Variants in RTL9 observed in about 807,000 individuals in gnomAD.
RTL9 encodes the protein retrotransposon Gag like 9, also known as retrotransposon Gag-like protein 9.
RTL9 carries 19 observed loss-of-function variants against 44.7 expected under a neutral mutation model. The observed-to-expected ratio is 0.42, with a 90% confidence interval of 0.30 to 0.62. The LOEUF is 0.62. Among genes scored for constraint, RTL9 ranks in the 20% least tolerant of loss-of-function variants. RTL9 has a pLI of 0.16. For synonymous variants in RTL9, 407 were observed against 398.9 expected, an observed-to-expected ratio of 1.02 and a Z score of -0.24; for missense variants, 1,105 against 1,080.6, an observed-to-expected ratio of 1.02 and a Z score of -0.32.
At chrX:110,416,071 C>A (rs1174656563), upstream of RTL9, among the ~76,000 whole-genome samples, 1 of 109,991 alleles carries the variant, frequency 9.1e-6, no homozygotes, top group Admixed American at 9.6e-5. Context: ...TGGGTGCTTA[C>A]TCACTCTGCC....
intron 1 of RTL9, among the ~76,000 whole-genome samples, chrX:110,368,184 C>T (rs1673579798): frequency 9.1e-6 from 1 of 109,830 alleles, no homozygotes; most frequent in Admixed American, 9.8e-5. Flanking sequence ...CTGCTATAAC[C>T]TTAATCCAAG....
intron 1 of RTL9, among the ~76,000 whole-genome samples, chrX:110,412,561 A>G (rs923149709): frequency 8.9e-6 from 1 of 112,231 alleles, no homozygotes; most frequent in Non-Finnish European, 1.9e-5. Context: ...TGGGAAAAGT[A>G]ACAATTCATG....
chrX:110,419,325 T>C (rs1474966892), intron 1 of RTL9, among the ~76,000 whole-genome samples: 1 of 112,534 alleles, frequency 8.9e-6, no homozygotes, highest in Non-Finnish European at 1.9e-5. Flanking sequence ...GCCCTTCCTC[T>C]TGCTTTTGGC....
chrX:110,442,214 G>A (rs1306846939), intron 1 of RTL9, among the ~76,000 whole-genome samples: 2 of 69,149 alleles, frequency 2.9e-5, no homozygotes. Context: ...AATTTGGATC[G>A]AAGTCTTTCT....
At chrX:110,446,348 A>G (rs2068907945), upstream of RTL9, among the ~76,000 whole-genome samples, 1 of 111,348 alleles carries the variant, frequency 9.0e-6, no homozygotes, top group Non-Finnish European at 1.9e-5. Context: ...AAAACAAACC[A>G]AAAATAAAAC....
At chrX:110,444,059 AT>A (rs1396641272) in intron 1 of RTL9, among the ~76,000 whole-genome samples, 1 of 112,308 alleles carries the variant, frequency 8.9e-6, no homozygotes, top group East Asian at 2.8e-4. Context: ...TTTAAGAACT[AT>A]CCCTGGGAAG....
chrX:110,392,116 T>C (rs2068498066), intron 1 of RTL9, among the ~76,000 whole-genome samples: 1 of 112,054 alleles, frequency 8.9e-6, no homozygotes, highest in Non-Finnish European at 1.9e-5. Flanking sequence ...TAAATTCATA[T>C]TGATTTGACA....
intron 1 of RTL9, among the ~76,000 whole-genome samples, chrX:110,413,220 C>T (rs1360932939): frequency 9.0e-6 from 1 of 111,356 alleles, no homozygotes; most frequent in African/African-American, 3.3e-5. Context: ...ATTCCCCCTA[C>T]ACCCTGGATA....
chrX:110,442,892 G>A (rs2068890656), intron 1 of RTL9, among the ~76,000 whole-genome samples: 1 of 112,080 alleles, frequency 8.9e-6, no homozygotes, highest in East Asian at 2.8e-4. Flanking sequence ...AGCCTATGAA[G>A]GAACCTGGGA....
chrX:110,455,270 T>G (rs1414823123), exon 2 of RTL9: 1 of 1,210,456 alleles, frequency 8.3e-7, no homozygotes, highest in South Asian at 1.8e-5. Flanking sequence ...GTCTTCATGA[T>G]CACCTTGGAC....
intron 1 of RTL9, among the ~76,000 whole-genome samples, chrX:110,403,439 C>G (rs565191190): frequency 2.9e-4 from 32 of 112,059 alleles, no homozygotes; most frequent in South Asian, 2.3e-3. Flanking sequence ...CACAGACACA[C>G]ACAGACAGAC....
intron 1 of RTL9, among the ~76,000 whole-genome samples, chrX:110,441,128 C>T (rs889799289): frequency 3.6e-5 from 4 of 112,127 alleles, no homozygotes; most frequent in East Asian, 2.8e-4. Flanking sequence ...CTGTCTTTTG[C>T]TGTATGAATT....
chrX:110,405,100 C>CG (rs1491459309), intron 1 of RTL9, among the ~76,000 whole-genome samples: 4 of 100,220 alleles, frequency 4.0e-5, no homozygotes, highest in East Asian at 6.4e-4. Context: ...CCCCCCCCCC[C>CG]CAAGCATGAG....
chrX:110,415,648 G>A (rs747756520), upstream of RTL9, among the ~76,000 whole-genome samples: 9 of 111,222 alleles, frequency 8.1e-5, no homozygotes, highest in Non-Finnish European at 1.3e-4. Flanking sequence ...TGCCAATTAC[G>A]TTGGATTTGC....
chrX:110,450,589 C>A (rs1433755173), exon 1 of RTL9: 1 of 1,175,288 alleles, frequency 8.5e-7, no homozygotes, highest in East Asian at 3.0e-5. Context: ...CCTGGGCTCC[C>A]TCCACACTAT....
intron 1 of RTL9, among the ~76,000 whole-genome samples, chrX:110,396,171 C>T (rs1057160763): frequency 9.0e-5 from 10 of 110,750 alleles, no homozygotes; most frequent in Middle Eastern, 4.7e-3. Flanking sequence ...ATTTGTTGCC[C>T]GAATGAATGG....
intron 1 of RTL9, among the ~76,000 whole-genome samples, chrX:110,435,388 G>A (rs183458197): frequency 6.2e-5 from 7 of 112,303 alleles, no homozygotes; most frequent in Admixed American, 9.3e-5. Context: ...CACTGACTGC[G>A]TCTCCACTGC....
chrX:110,448,815 A>G (rs2068923034), upstream of RTL9, among the ~76,000 whole-genome samples: 1 of 110,574 alleles, frequency 9.0e-6, no homozygotes, highest in Admixed American at 9.6e-5. Context: ...GCCAGAGTGA[A>G]AGAGCTAGGG....
exon 1 of RTL9, chrX:110,452,326 T>G (rs780634701): frequency 8.3e-7 from 1 of 1,210,921 alleles, no homozygotes; most frequent in Admixed American, 2.2e-5. Context: ...ATGAAAGCCA[T>G]GACTTCTGGA....
Sources: gnomAD v4.1 joint callset for allele counts (sites outside exome capture counted in the v4.1 genomes callset) on GRCh38, gnomAD v4.1.1 for gene constraint, MANE v1.5 for transcripts, NCBI Gene and HGNC (gene_info 2026-07-23, HGNC 2026-07-21) for gene names.